PTPN18: variants seen among roughly 807,000 people sequenced by gnomAD.
The protein encoded by PTPN18 is tyrosine-protein phosphatase non-receptor type 18.
A neutral mutation model predicts 65.4 loss-of-function variants in PTPN18; 65 were observed. That is an observed-to-expected ratio of 0.99 (90% CI 0.81 to 1.22). PTPN18 has a LOEUF of 1.22. Among genes scored for constraint, PTPN18 ranks in the 50% most tolerant of loss-of-function variants. The pLI, the probability that PTPN18 is intolerant of heterozygous loss-of-function variation, is 0.00. For synonymous variants in PTPN18, 255 were observed against 267.8 expected (o/e 0.95, Z 0.47); for missense variants, 616 against 646.5 (o/e 0.95, Z 0.51).
intron 12 of PTPN18, 135 bp downstream of exon 12, chr2:130,371,422 G>A: frequency 2.8e-6 from 2 of 726,700 alleles, no homozygotes; most frequent in African/African-American, 1.8e-5. Context: ...TGAGCTCTGG[G>A]AACCCACCCC....
In PTPN18 at chr2:130,369,219, T is replaced by A. The variant is rs74348246; in HGVS notation, c.483+18T>A. On this transcript the variant is annotated intron_variant, in intron 6 of 14. Transcript: ENST00000175756. ...TCACTCTGGTGAGCTGTGGGAGTTT[T>A]CAAGGAAGATTCCCAGGGTGGAAAG... 1,394 of 1,604,858 alleles carry A rather than the reference T, an allele frequency of 8.7e-4. 16 individuals carry two copies. In the African/African-American group the frequency reaches 0.016, roughly 19 times the overall value.
At chr2:130,369,556 TTG>T (rs75058224) in intron 6 of PTPN18, among the ~76,000 whole-genome samples, 25,103 of 152,170 alleles carry the variant, frequency 0.16, 2,219 homozygotes, top group Non-Finnish European at 0.2. Context: ...GCAAAAGGGC[TTG>T]TGTTTTTATA....
intron 11 of PTPN18, 64 bp from the exon 12 acceptor site, chr2:130,371,135 A>G (rs1274912911): frequency 9.6e-6 from 14 of 1,463,780 alleles, no homozygotes; most frequent in Non-Finnish European, 1.3e-5. Flanking sequence ...GCTTTCTCCC[A>G]GAGCCCCTTG....
At position 130,372,355 on chromosome 2, in the gene PTPN18, AGACGGG is replaced by A. The variant is rs112040677; in HGVS notation, c.1132_1137del (p.Thr378_Gly379del). On this transcript the variant is annotated inframe_deletion, in exon 13 of 15. Coordinates refer to ENST00000175756, the MANE Select transcript of PTPN18 (RefSeq NM_014369.4). Reference sequence around the variant, plus strand: ...CCAGCGGGCGCCGGGAGTGGGACGCAGACGGGGACGGGGACGGGGACGGGGGCGCGC... The same window carrying A: ...CCAGCGGGCGCCGGGAGTGGGACGCAGACGGGGACGGGGACGGGGGCGCGC... The A allele has an allele frequency of 0.21, 293,468 of 1,374,302 alleles. 37,300 individuals carry two copies. Among genetic ancestry groups the A allele is most frequent in the African/African-American group, 0.58 (37,681 of 65,246 alleles). 85.1% of individuals were successfully genotyped at this position (1,374,302 alleles called of 1,614,324 possible). A position where few individuals can be genotyped will look rare whatever the true frequency, so the allele number is the denominator to read the frequency against.
intron 12 of PTPN18, 83 bp from the exon 13 acceptor site, chr2:130,372,174 T>G: frequency 1.5e-5 from 20 of 1,316,192 alleles, no homozygotes; most frequent in Non-Finnish European, 2.1e-5. Flanking sequence ...AGGAAGCCCG[T>G]GGTTTGCGCG....
Position 130,359,017 on chromosome 2 carries a change from G to A in PTPN18, c.202+42G>A, listed in dbSNP as rs747385069. 29 of 1,589,504 alleles carry A rather than the reference G, an allele frequency of 1.8e-5. No homozygotes were observed. In the East Asian group the frequency reaches 5.4e-4, roughly 30 times the overall value. The stretch of plus-strand genomic sequence containing the variant: ...GTAGGGAGTCGGTGCAGCCTTGCAC[G>A]CCCTGCCACGTCCAGGCGTCAGTGT... On this transcript the variant is annotated intron_variant, in intron 2 of 14. Coordinates refer to ENST00000175756, the MANE Select transcript of PTPN18 (RefSeq NM_014369.4).
intron 5 of PTPN18, among the ~76,000 whole-genome samples, chr2:130,363,650 A>G (rs1464663597): frequency 6.6e-6 from 1 of 152,164 alleles, no homozygotes; most frequent in Non-Finnish European, 1.5e-5. Context: ...TTTGCTGAAT[A>G]CTATTCCATT....
chr2:130,372,019 C>G (rs1006967983), intron 12 of PTPN18: 1 of 503,132 alleles, frequency 2.0e-6, no homozygotes, highest in African/African-American at 2.0e-5. Context: ...GACCACCCCT[C>G]AAACCAACAC....
Position 130,358,862 on chromosome 2 carries a change from A to T in PTPN18, c.94-5A>T. The T allele has an allele frequency of 6.2e-7, 1 of 1,608,902 alleles. No individual in the cohort carries two copies. The highest frequency in any genetic ancestry group is 8.5e-7 in the Non-Finnish European group (1 of 1,176,024). The stretch of plus-strand genomic sequence containing the variant: ...CTCCCTGACCCACTCATAATGCTCT[A>T]CCAGGACATCCAGGCCTGCTCGGCC... On this transcript the variant is annotated splice_region_variant and splice_polypyrimidine_tract_variant and intron_variant, in intron 1 of 14. Coordinates refer to ENST00000175756, the MANE Select transcript of PTPN18 (RefSeq NM_014369.4).
intron 5 of PTPN18, among the ~76,000 whole-genome samples, chr2:130,363,274 C>T (rs774280424): frequency 6.6e-6 from 1 of 151,288 alleles, no homozygotes; most frequent in African/African-American, 2.4e-5. Flanking sequence ...TAGTGAAACC[C>T]CGTCTCTACT....
chr2:130,370,025 G>A (rs200903241), intron 7 of PTPN18, 23 bp from the exon 8 acceptor site: 20 of 1,610,594 alleles, frequency 1.2e-5, no homozygotes, highest in Non-Finnish European at 1.7e-5. Context: ...TAAGTCTTTT[G>A]CTCATCTTTT....
At chr2:130,357,245 A>ACAAT (rs940287554) in intron 1 of PTPN18, among the ~76,000 whole-genome samples, 1 of 152,180 alleles carries the variant, frequency 6.6e-6, no homozygotes, top group African/African-American at 2.4e-5. Flanking sequence ...TCTAAACGTT[A>ACAAT]CAATACAGGT....
chr2:130,358,631 C>T (rs577700549), intron 1 of PTPN18, among the ~76,000 whole-genome samples: 3 of 152,234 alleles, frequency 2.0e-5, no homozygotes, highest in East Asian at 1.9e-4. Flanking sequence ...GTACCCACGT[C>T]GTAGGAACCT....
rs140993674 is a variant in PTPN18, at chr2:130,362,082, C to T, written c.414+2436C>T. ...TCCTGGGCTCAAATGATCATGCTAG[C>T]GCAGCCTCCCTGAGGAGTTGGGACT... is the stretch of plus-strand genomic sequence containing the variant. On this transcript the variant is annotated intron_variant, in intron 5 of 14. Coordinates refer to ENST00000175756, the MANE Select transcript of PTPN18 (RefSeq NM_014369.4). 659 of 466,934 alleles carry T rather than the reference C, an allele frequency of 1.4e-3. 5 individuals carry two copies. The highest frequency in any genetic ancestry group is 4.4e-3 in the African/African-American group (218 of 49,700). The allele number at this position is 466,934 out of a possible 1,614,324, so 28.9% of individuals were successfully genotyped here. A position where few individuals can be genotyped will look rare whatever the true frequency, so the allele number is the denominator to read the frequency against.
intron 5 of PTPN18, among the ~76,000 whole-genome samples, chr2:130,361,957 T>A (rs1419148195): frequency 6.6e-6 from 1 of 152,024 alleles, no homozygotes; most frequent in East Asian, 1.9e-4. Context: ...CATCTTTATT[T>A]TTTAGTGTGT....
rs1338348315 is a variant in PTPN18, at chr2:130,361,553, TCTTTCTTTCTTTCCTTTCTTTC to T, written c.414+1917_414+1938del. ...TTCTTTCTTTCTTTCTTTCTTTCTT[TCTTTCTTTCTTTCCTTTCTTTC>T]CTTTCTTTCCTTTCTTTCTTTCTGT... On this transcript the variant is annotated intron_variant, in intron 5 of 14. Transcript: ENST00000175756. Among the ~76,000 whole-genome samples, 405 of 137,984 alleles carry T rather than the reference TCTTTCTTTCTTTCCTTTCTTTC, an allele frequency of 2.9e-3. 2 individuals carry two copies. Among genetic ancestry groups the T allele is most frequent in the African/African-American group, 0.01 (371 of 36,312 alleles). The allele number at this position is 137,984 out of a possible 152,430, so 90.5% of individuals were successfully genotyped here.
intron 8 of PTPN18, 92 bp downstream of exon 8, chr2:130,370,282 A>C: frequency 6.4e-7 from 1 of 1,551,612 alleles, no homozygotes; most frequent in Non-Finnish European, 8.7e-7. Context: ...TTGTAGTCTG[A>C]GTGCCTATTT....
chr2:130,370,145 G>A lies in PTPN18; in HGVS notation c.644G>A (p.Arg215His), dbSNP rs1440600566. The change falls in exon 8 of 15, where the codon CGT becomes CAT. Residue 215 changes from arginine (R) to histidine (H), a missense_variant. By Grantham distance (29) the Arg-to-His change is conservative. This residue lies in a region of PTPN18 where 368 missense variants were observed against 386.7 expected (regional missense o/e 0.95). Coordinates refer to ENST00000175756, the MANE Select transcript of PTPN18 (RefSeq NM_014369.4). ...ATGCTCGCCATGGTGGAGGAAGCCCGTCGCCTCCAGGGATCTGGCCCTGAA... is the reference window on the plus strand; with the variant it reads ...ATGCTCGCCATGGTGGAGGAAGCCCATCGCCTCCAGGGATCTGGCCCTGAA... The part of the protein sequence containing the change: ...DHMLAMVEEA[R>H]RLQGSGPEPL... 5.0e-6 allele frequency: 8 copies of A among 1,613,806 alleles called. No homozygotes were observed. Among genetic ancestry groups the A allele is most frequent in the South Asian group, 2.2e-5 (2 of 91,082 alleles).
At chr2:130,372,588 G>A (rs1474073427) in intron 13 of PTPN18, 105 bp downstream of exon 13, 6 of 1,321,294 alleles carry the variant, frequency 4.5e-6, no homozygotes, top group African/African-American at 1.5e-5. Context: ...GGGGACCCCA[G>A]CCGCTAGCCT....
Sources: allele counts gnomAD v4.1 joint callset (sites outside exome capture counted in the v4.1 genomes callset), GRCh38; gene constraint gnomAD v4.1.1; regional missense constraint gnomAD v4.1.1; transcripts MANE v1.5; gene names NCBI Gene and HGNC (gene_info 2026-07-23, HGNC 2026-07-21).